The following LIPA variants were observed in gnomAD, a reference collection of about 807,000 sequenced individuals.
The protein encoded by LIPA is lipase A, lysosomal acid type.
LIPA carries 26 observed loss-of-function variants against 40.6 expected under a neutral mutation model. That is an observed-to-expected ratio of 0.64 (90% confidence interval 0.47 to 0.89). The LOEUF (loss-of-function observed/expected upper bound fraction) is 0.89. Ranked by LOEUF, LIPA falls within the 40% of genes least tolerant of loss-of-function variation. The pLI is 0.00. For missense variants in LIPA, 455 were observed against 479.6 expected, an observed-to-expected ratio of 0.95 and a Z score of 0.48; for synonymous variants, 188 against 168.4, an observed-to-expected ratio of 1.12 and a Z score of -0.90.
At chr10:89,252,242 TTTA>T (rs1271932710), upstream of LIPA, among the ~76,000 whole-genome samples, 1 of 152,264 alleles carries the variant, frequency 6.6e-6, no homozygotes, top group Non-Finnish European at 1.5e-5. Context: ...CTTTAAATTT[TTTA>T]TTATTATTAA....
intron 2 of LIPA, among the ~76,000 whole-genome samples, chr10:89,407,821 G>A (rs1841436252): frequency 6.6e-6 from 1 of 152,042 alleles, no homozygotes. Flanking sequence ...AGGCAAGGGT[G>A]CAGGTTTTCG....
chr10:89,293,843 A>G (rs934935738), intron 1 of LIPA, among the ~76,000 whole-genome samples: 4 of 152,182 alleles, frequency 2.6e-5, no homozygotes, highest in African/African-American at 9.7e-5. Context: ...CACAGGCCCT[A>G]TCTCCAAACA....
At chr10:89,305,661 G>A (rs1009878266) in intron 1 of LIPA, among the ~76,000 whole-genome samples, 12 of 152,080 alleles carry the variant, frequency 7.9e-5, no homozygotes, top group South Asian at 4.2e-4. Context: ...AGAGACCCTC[G>A]AAAGCAGAGA....
intron 1 of LIPA, among the ~76,000 whole-genome samples, chr10:89,250,075 T>TTTTTTC (rs146480536): frequency 1.5e-5 from 2 of 131,704 alleles, no homozygotes; most frequent in African/African-American, 2.8e-5. Context: ...TTCTTTTTTC[T>TTTTTTC]TTTTTCTTTT....
chr10:89,351,453 G>T (rs970441179), intron 2 of LIPA, among the ~76,000 whole-genome samples: 3 of 152,138 alleles, frequency 2.0e-5, no homozygotes, highest in Non-Finnish European at 4.4e-5. Context: ...TATCCATGAC[G>T]ATTTTATAAA....
At chr10:89,279,217 A>G (rs1344727506) in intron 1 of LIPA, among the ~76,000 whole-genome samples, 1 of 152,190 alleles carries the variant, frequency 6.6e-6, no homozygotes, top group Admixed American at 6.5e-5. Context: ...TTTAAAGCTG[A>G]AATGAACCCT....
chr10:89,269,028 T>G (rs570168573), intron 1 of LIPA, among the ~76,000 whole-genome samples: 1 of 150,490 alleles, frequency 6.6e-6, no homozygotes, highest in Non-Finnish European at 1.5e-5. Flanking sequence ...ATTTACTTTA[T>G]TTAAAAATAC....
At chr10:89,302,218 C>G in intron 1 of LIPA, 4 of 1,385,530 alleles carry the variant, frequency 2.9e-6, no homozygotes, top group Non-Finnish European at 3.1e-6. Flanking sequence ...AGAGGGCCAG[C>G]TCCATTTTAG....
At chr10:89,318,014 G>T (rs1054242225) in intron 1 of LIPA, among the ~76,000 whole-genome samples, 2 of 152,094 alleles carry the variant, frequency 1.3e-5, no homozygotes, top group South Asian at 2.1e-4. Flanking sequence ...GACAAGCAAA[G>T]GCTGAGAGAT....
chr10:89,269,490 T>C (rs1445797192), intron 1 of LIPA, among the ~76,000 whole-genome samples: 2 of 152,194 alleles, frequency 1.3e-5, no homozygotes, highest in Non-Finnish European at 2.9e-5. Context: ...TATTTTATTC[T>C]TCTCTTCAAC....
chr10:89,339,170 T>C, intron 1 of LIPA: 1 of 1,614,030 alleles, frequency 6.2e-7, no homozygotes, highest in South Asian at 1.1e-5. Flanking sequence ...AACCCAGAAT[T>C]CTCCTCTGGA....
intron 1 of LIPA, among the ~76,000 whole-genome samples, chr10:89,279,341 A>G (rs1843304540): frequency 6.6e-6 from 1 of 152,208 alleles, no homozygotes; most frequent in African/African-American, 2.4e-5. Flanking sequence ...TATTTTCTAG[A>G]AAAGGAGAGA....
chr10:89,411,796 G>A (rs112634384), intron 2 of LIPA, among the ~76,000 whole-genome samples: 11,288 of 152,190 alleles, frequency 0.074, 814 homozygotes, highest in African/African-American at 0.18. Flanking sequence ...GATGCCACCC[G>A]GTGTTTACAG....
intron 1 of LIPA, chr10:89,306,054 A>G: frequency 6.2e-7 from 1 of 1,614,156 alleles, no homozygotes; most frequent in Non-Finnish European, 8.5e-7. Context: ...TCCTTGGATG[A>G]TTTTGAAGAC....
intron 3 of LIPA, among the ~76,000 whole-genome samples, chr10:89,240,353 T>C (rs1363941199): frequency 6.6e-6 from 1 of 152,182 alleles, no homozygotes; most frequent in Non-Finnish European, 1.5e-5. Context: ...CCCAGCCCTT[T>C]GGGAGGCTGA....
chr10:89,402,329 A>G, intron 2 of LIPA: 1 of 1,614,094 alleles, frequency 6.2e-7, no homozygotes, highest in Non-Finnish European at 8.5e-7. Context: ...AGCAATTGAG[A>G]TGTCACTTTA....
chr10:89,222,711 T>C, intron 7 of LIPA, 129 bp from the exon 8 acceptor site: 1 of 706,652 alleles, frequency 1.4e-6, no homozygotes, highest in Non-Finnish European at 2.6e-6. Flanking sequence ...AGATGAGAGG[T>C]AGAAAAAAAT....
At chr10:89,303,013 A>AG (rs1222091452) in intron 1 of LIPA, among the ~76,000 whole-genome samples, 1 of 151,902 alleles carries the variant, frequency 6.6e-6, no homozygotes, top group African/African-American at 2.4e-5. Flanking sequence ...TGATTTCAAA[A>AG]AAAAAAAAAA....
intron 3 of LIPA, among the ~76,000 whole-genome samples, chr10:89,244,111 A>G (rs1842995524): frequency 6.6e-6 from 1 of 152,176 alleles, no homozygotes; most frequent in Non-Finnish European, 1.5e-5. Context: ...TAACATATTT[A>G]TAAAAAGGAA....
Sources: gnomAD v4.1 joint callset for allele counts (sites outside exome capture counted in the v4.1 genomes callset) on GRCh38, gnomAD v4.1.1 for gene constraint, MANE v1.5 for transcripts, NCBI Gene and HGNC (gene_info 2026-07-23, HGNC 2026-07-21) for gene names.